Variants in TSPYL5 observed in about 807,000 individuals in gnomAD.
The protein encoded by TSPYL5 is TSPY like 5, also known as testis-specific Y-encoded-like protein 5.
For synonymous variants in TSPYL5, 276 were observed against 236.1 expected, an observed-to-expected ratio of 1.17 and a Z score of -1.55; for missense variants, 556 against 555.5, an observed-to-expected ratio of 1.00 and a Z score of -0.01.
At position 97,276,950 on chromosome 8, in the gene TSPYL5, C is replaced by A. The variant is rs750607434; in HGVS notation, c.895G>T (p.Asp299Tyr). The A allele has an allele frequency of 6.2e-7, 1 of 1,614,166 alleles. No homozygotes were observed. The highest frequency in any genetic ancestry group is 8.5e-7 in the Non-Finnish European group (1 of 1,180,024). The change falls in exon 1 of 1, where the codon GAT becomes TAT. Residue 299 changes from aspartate to tyrosine, a missense_variant. Transcript: ENST00000322128. ...RLGYKIKFYF[D>Y]RNPYFQNKVL... ...TTATTTTGGAAATACGGGTTGCGATCGAAGTAGAACTTGATTTTGTAGCCC... is the reference window on the plus strand; with the variant it reads ...TTATTTTGGAAATACGGGTTGCGATAGAAGTAGAACTTGATTTTGTAGCCC...
Position 97,277,162 on chromosome 8 carries a change from C to G in TSPYL5, c.683G>C (p.Arg228Thr). Residue 228 changes from arginine (R) to threonine (T), a missense_variant, in exon 1 of 1, where the codon AGG becomes ACG. Physicochemically the swap from Arg to Thr is moderately conservative, Grantham distance 71 (BLOSUM62 -1). Coordinates refer to ENST00000322128, the MANE Select transcript of TSPYL5 (RefSeq NM_033512.3). This position sits in a 1 kb window ranked among gnomAD's most constrained non-coding sequence, Gnocchi z 4.5. ...CTGCAGTCGCAACTGCCCAAACTTC[C>G]TGGAGAGCCGAAGGTAGGCCCTGTC... Reference protein sequence around the residue: ...QADRAYLRLSRKFGQLRLQHL... With the variant: ...QADRAYLRLSTKFGQLRLQHL... 1 of 1,611,322 alleles carries G rather than the reference C, an allele frequency of 6.2e-7. No individual in the cohort carries two copies. The highest frequency in any genetic ancestry group is 8.5e-7 in the Non-Finnish European group (1 of 1,180,010).
rs1810512138 is a variant in TSPYL5, at chr8:97,276,245, T to TG, written c.*345dup. 1 of 236,314 alleles carries TG rather than the reference T, an allele frequency of 4.2e-6. No homozygotes were observed. The highest frequency in any genetic ancestry group is 8.2e-6 in the Non-Finnish European group (1 of 122,208). 14.6% of individuals were successfully genotyped at this position (236,314 alleles called of 1,614,324 possible). On this transcript the variant is annotated 3_prime_UTR_variant, in exon 1 of 1. Coordinates refer to ENST00000322128, the MANE Select transcript of TSPYL5 (RefSeq NM_033512.3). The stretch of plus-strand genomic sequence containing the variant: ...GAAGGAGCAGAGCTTGAGGATGCAC[T>TG]GGTCGTCCTGGAGGATGACTCATGA...
In TSPYL5 at chr8:97,277,683, C is replaced by T. The variant is rs1810553385; in HGVS notation, c.162G>A (p.Gln54=). The T allele has an allele frequency of 1.3e-6, 2 of 1,536,658 alleles. No homozygotes were observed. The highest frequency in any genetic ancestry group is 2.9e-5 in the African/African-American group (2 of 69,696). The change falls in exon 1 of 1, where the codon CAG becomes CAA. Residue 54 remains glutamine (Q), a synonymous_variant. Coordinates refer to ENST00000322128, the MANE Select transcript of TSPYL5 (RefSeq NM_033512.3). The surrounding 1 kb of genome is among the most constrained non-coding windows in gnomAD (Gnocchi z 4.5). ...CCAGGCCACCCCACCCCGCGCCAGCCTGCACCTGTGCCGCCTGGGTGTCTT... is the reference window on the plus strand; with the variant it reads ...CCAGGCCACCCCACCCCGCGCCAGCTTGCACCTGTGCCGCCTGGGTGTCTT... ...LGEDTQAAQV[Q]AGAGWGGLEA...
rs1335403138 is a variant in TSPYL5 at position 97,274,779 on chromosome 8, T to C, written c.*1812A>G. 1 of 151,916 alleles carries C rather than the reference T, an allele frequency of 6.6e-6. No homozygotes were observed. Among genetic ancestry groups the C allele is most frequent in the Admixed American group, 6.5e-5 (1 of 15,272 alleles). 9.4% of individuals were successfully genotyped at this position (151,916 alleles called of 1,614,324 possible). Reference sequence around the variant, plus strand: ...GAACAGGTGTAGATACAGTCCTTCTTACCCACCCTCAGGGATAAGAGAGGG... The same window carrying C: ...GAACAGGTGTAGATACAGTCCTTCTCACCCACCCTCAGGGATAAGAGAGGG... On this transcript the variant is annotated 3_prime_UTR_variant, in exon 1 of 1. Transcript: ENST00000322128.
In TSPYL5 at chr8:97,274,645, G is replaced by A. The variant is rs1283093421; in HGVS notation, c.*1946C>T. ...CATACCAGTATCATGCCTACTCGAC[G>A]GTTTTGCTCCAAATCCCCCACCTAG... On this transcript the variant is annotated 3_prime_UTR_variant, in exon 1 of 1. Transcript: ENST00000322128. 2 of 152,024 alleles carry A rather than the reference G, an allele frequency of 1.3e-5. No individual in the cohort carries two copies. Among genetic ancestry groups the A allele is most frequent in the African/African-American group, 2.4e-5 (1 of 41,376 alleles). 9.4% of individuals were successfully genotyped at this position (152,024 alleles called of 1,614,324 possible).
At position 97,274,950 on chromosome 8, in the gene TSPYL5, G is replaced by A. The variant is rs1586069071; in HGVS notation, c.*1641C>T. The A allele has an allele frequency of 1.3e-5, 2 of 152,736 alleles. No individual in the cohort carries two copies. The highest frequency in any genetic ancestry group is 1.3e-4 in the Admixed American group (2 of 15,294). 9.5% of individuals were successfully genotyped at this position (152,736 alleles called of 1,614,324 possible). A position where few individuals can be genotyped will look rare whatever the true frequency, so the allele number is the denominator to read the frequency against. On this transcript the variant is annotated 3_prime_UTR_variant, in exon 1 of 1. Transcript: ENST00000322128. ...CCCACTCCTGGGGCTATTTGAGGTAGAAGCAAAGAGAGCAAAGGACTGCTG... is the reference window on the plus strand; with the variant it reads ...CCCACTCCTGGGGCTATTTGAGGTAAAAGCAAAGAGAGCAAAGGACTGCTG...
chr8:97,276,892 G>C lies in TSPYL5; in HGVS notation c.953C>G (p.Ser318Cys). 6.2e-7 allele frequency: 1 copy of C among 1,614,194 alleles called. No homozygotes were observed. Among genetic ancestry groups the C allele is most frequent in the Non-Finnish European group, 8.5e-7 (1 of 1,180,036 alleles). Residue 318 changes from serine (S) to cysteine (C), a missense_variant, in exon 1 of 1, where the codon TCT becomes TGT. Transcript: ENST00000322128. Reference protein sequence around the residue: ...VLIKEYGCGPSGQVVSRSTPI... With the variant: ...VLIKEYGCGPCGQVVSRSTPI... The stretch of plus-strand genomic sequence containing the variant: ...AGTAGAACGAGACACCACCTGGCCA[G>C]AAGGACCACACCCATATTCCTTGAT...
At position 97,277,108 on chromosome 8, in the gene TSPYL5, T is replaced by C. The variant is rs746567322; in HGVS notation, c.737A>G (p.Gln246Arg). 4 of 1,611,494 alleles carry C rather than the reference T, an allele frequency of 2.5e-6. No homozygotes were observed. The highest frequency in any genetic ancestry group is 4.5e-5 in the East Asian group (2 of 44,884). ...TTGCCCCCAGAAGCCCGGGATATTT[T>C]GGATGAGGTGGTTCCTGCGCTCCAA... is the stretch of plus-strand genomic sequence containing the variant. ...QHLERRNHLI[Q>R]NIPGFWGQAF... The change falls in exon 1 of 1, where the codon CAA (glutamine) becomes CGA (arginine). Residue 246 changes from glutamine (Q) to arginine (R), a missense_variant. By Grantham distance (43) the Gln-to-Arg change is conservative. Coordinates refer to ENST00000322128, the MANE Select transcript of TSPYL5 (RefSeq NM_033512.3). This position sits in a 1 kb window ranked among gnomAD's most constrained non-coding sequence, Gnocchi z 4.5.
chr8:97,274,751 G>A lies in TSPYL5; in HGVS notation c.*1840C>T, dbSNP rs1810485547. The A allele has an allele frequency of 6.6e-6, 1 of 152,184 alleles. No individual in the cohort carries two copies. The highest frequency in any genetic ancestry group is 1.5e-5 in the Non-Finnish European group (1 of 68,072). 9.4% of individuals were successfully genotyped at this position (152,184 alleles called of 1,614,324 possible). ...CCTCCCTAACAAAAGAGAAGGTAGG[G>A]AAGAACAGGTGTAGATACAGTCCTT... On this transcript the variant is annotated 3_prime_UTR_variant, in exon 1 of 1. Transcript: ENST00000322128.
Position 97,273,695 on chromosome 8 carries a change from C to A in TSPYL5, c.*2896G>T, listed in dbSNP as rs1178447827. Reference sequence around the variant, plus strand: ...TCTTCCAAAACCAGAGTTATGAGACCAGTACAAGCTGATAACAATGCTAAT... The same window carrying A: ...TCTTCCAAAACCAGAGTTATGAGACAAGTACAAGCTGATAACAATGCTAAT... On this transcript the variant is annotated 3_prime_UTR_variant, in exon 1 of 1. Coordinates refer to ENST00000322128, the MANE Select transcript of TSPYL5 (RefSeq NM_033512.3). The A allele has an allele frequency of 1.3e-5, 2 of 152,458 alleles. No homozygotes were observed. The highest frequency in any genetic ancestry group is 4.8e-5 in the African/African-American group (2 of 41,394). 9.4% of individuals were successfully genotyped at this position (152,458 alleles called of 1,614,324 possible). A position where few individuals can be genotyped will look rare whatever the true frequency, so the allele number is the denominator to read the frequency against.
In TSPYL5 at chr8:97,277,784, C is replaced by T; in HGVS notation, c.61G>A (p.Ala21Thr). Residue 21 changes from alanine (A) to threonine (T), a missense_variant, in exon 1 of 1, where the codon GCC becomes ACC. Ala to Thr is a moderately conservative substitution (Grantham distance 58). Coordinates refer to ENST00000322128, the MANE Select transcript of TSPYL5 (RefSeq NM_033512.3). This position sits in a 1 kb window ranked among gnomAD's most constrained non-coding sequence, Gnocchi z 4.5. The stretch of plus-strand genomic sequence containing the variant: ...GGAGCAGGGCGGACTCGGGCTTTGG[C>T]GCGGCCTTTGCCCCGGTTTTTGGCG... Reference protein sequence around the residue: ...SRAKNRGKGRAKARVRPAPDD... With the variant: ...SRAKNRGKGRTKARVRPAPDD... The T allele has an allele frequency of 2.0e-6, 3 of 1,502,660 alleles. No individual in the cohort carries two copies. The highest frequency in any genetic ancestry group is 2.7e-5 in the East Asian group (1 of 37,360). The allele number at this position is 1,502,660 out of a possible 1,614,324, so 93.1% of individuals were successfully genotyped here. A position where few individuals can be genotyped will look rare whatever the true frequency, so the allele number is the denominator to read the frequency against.
At position 97,277,764 on chromosome 8, in the gene TSPYL5, AGGGCGGACTC is replaced by A; in HGVS notation, c.71_80del (p.Arg24LeufsTer137). 6.5e-7 allele frequency: 1 copy of A among 1,530,526 alleles called. No homozygotes were observed. The highest frequency in any genetic ancestry group is 8.7e-7 in the Non-Finnish European group (1 of 1,142,960). 94.8% of individuals were successfully genotyped at this position (1,530,526 alleles called of 1,614,324 possible). On this transcript the variant is annotated frameshift_variant, in exon 1 of 1. Coordinates refer to ENST00000322128, the MANE Select transcript of TSPYL5 (RefSeq NM_033512.3). LOFTEE classifies it low-confidence loss of function (END_TRUNC). This position sits in a 1 kb window ranked among gnomAD's most constrained non-coding sequence, Gnocchi z 4.5. ...GGTCGCGCGGGGCGTCGTCCGGAGC[AGGGCGGACTC>A]GGGCTTTGGCGCGGCCTTTGCCCCG... is the stretch of plus-strand genomic sequence containing the variant.
rs1810472390 is a variant in TSPYL5 at position 97,274,067 on chromosome 8, T to C, written c.*2524A>G. ...GGTTGCATTGGCATAGTGTCTTGGA[T>C]TTTCAATAAACAATACAGGTGAAAA... On this transcript the variant is annotated 3_prime_UTR_variant, in exon 1 of 1. Transcript: ENST00000322128. The C allele has an allele frequency of 6.6e-6, 1 of 152,130 alleles. No individual in the cohort carries two copies. Among genetic ancestry groups the C allele is most frequent in the African/African-American group, 2.4e-5 (1 of 41,426 alleles). 9.4% of individuals were successfully genotyped at this position (152,130 alleles called of 1,614,324 possible).
chr8:97,277,087 C>G lies in TSPYL5; in HGVS notation c.758G>C (p.Gly253Ala). The G allele has an allele frequency of 6.2e-7, 1 of 1,612,814 alleles. No individual in the cohort carries two copies. Among genetic ancestry groups the G allele is most frequent in the Non-Finnish European group, 8.5e-7 (1 of 1,180,008 alleles). ...CTGGGGATGGTTCTGAAATGCTTGC[C>G]CCCAGAAGCCCGGGATATTTTGGAT... Reference protein sequence around the residue: ...HLIQNIPGFWGQAFQNHPQLA... With the variant: ...HLIQNIPGFWAQAFQNHPQLA... Residue 253 changes from glycine to alanine, a missense_variant, in exon 1 of 1, where the codon GGG (glycine) becomes GCG (alanine). Transcript: ENST00000322128. The surrounding 1 kb of genome is among the most constrained non-coding windows in gnomAD (Gnocchi z 4.5).
At position 97,273,968 on chromosome 8, in the gene TSPYL5, C is replaced by T. The variant is rs2130733686; in HGVS notation, c.*2623G>A. ...GTTAACATTAAAAGCAAAAAGCAGA[C>T]CTGATGTGATTATGATAGTGCACCC... On this transcript the variant is annotated 3_prime_UTR_variant, in exon 1 of 1. Coordinates refer to ENST00000322128, the MANE Select transcript of TSPYL5 (RefSeq NM_033512.3). 6.6e-6 allele frequency: 1 copy of T among 152,318 alleles called. No homozygotes were observed. Among genetic ancestry groups the T allele is most frequent in the Non-Finnish European group, 1.5e-5 (1 of 68,030 alleles). 9.4% of individuals were successfully genotyped at this position (152,318 alleles called of 1,614,324 possible).
At position 97,274,030 on chromosome 8, in the gene TSPYL5, C is replaced by G. The variant is rs1384138509; in HGVS notation, c.*2561G>C. 6.6e-6 allele frequency: 1 copy of G among 152,118 alleles called. No individual in the cohort carries two copies. The highest frequency in any genetic ancestry group is 2.4e-5 in the African/African-American group (1 of 41,408). 9.4% of individuals were successfully genotyped at this position (152,118 alleles called of 1,614,324 possible). On this transcript the variant is annotated 3_prime_UTR_variant, in exon 1 of 1. Transcript: ENST00000322128. ...CCATCAAAAGAGACTACCAATCTCCCAAAGTAGTCACGGTTGCATTGGCAT... is the reference window on the plus strand; with the variant it reads ...CCATCAAAAGAGACTACCAATCTCCGAAAGTAGTCACGGTTGCATTGGCAT...
In TSPYL5 at chr8:97,277,179, G is replaced by T. The variant is rs1457213816; in HGVS notation, c.666C>A (p.Ala222=). 1.9e-6 allele frequency: 3 copies of T among 1,612,178 alleles called. No individual in the cohort carries two copies. Among genetic ancestry groups the T allele is most frequent in the Non-Finnish European group, 2.5e-6 (3 of 1,180,032 alleles). ...CAAACTTCCTGGAGAGCCGAAGGTAGGCCCTGTCCGCCTGGGCGTTCATGT... is the reference window on the plus strand; with the variant it reads ...CAAACTTCCTGGAGAGCCGAAGGTATGCCCTGTCCGCCTGGGCGTTCATGT... ...LENMNAQADR[A]YLRLSRKFGQ... Residue 222 remains alanine (A), a synonymous_variant, in exon 1 of 1, where the codon GCC becomes GCA. Transcript: ENST00000322128. This position sits in a 1 kb window ranked among gnomAD's most constrained non-coding sequence, Gnocchi z 4.5.
rs991469414 is a variant in TSPYL5 at position 97,276,340 on chromosome 8, G to A, written c.*251C>T. On this transcript the variant is annotated 3_prime_UTR_variant, in exon 1 of 1. Coordinates refer to ENST00000322128, the MANE Select transcript of TSPYL5 (RefSeq NM_033512.3). ...AGGTCCAGGCAATGTAGATAACAGG[G>A]AGCACACATCTAAAGTATGTGTGCT... 2.4e-5 allele frequency: 11 copies of A among 453,596 alleles called. No individual in the cohort carries two copies. Among genetic ancestry groups the A allele is most frequent in the Middle Eastern group, 5.6e-4 (1 of 1,792 alleles). 28.1% of individuals were successfully genotyped at this position (453,596 alleles called of 1,614,324 possible).
Position 97,276,587 on chromosome 8 carries a change from A to T in TSPYL5, c.*4T>A, listed in dbSNP as rs1290402414. On this transcript the variant is annotated 3_prime_UTR_variant, in exon 1 of 1. Transcript: ENST00000322128. ...CAGGAGGTAGCAGGGAGACTTGTGC[A>T]GGATCAGTTGGATTGGCTCACCCCA... 6.2e-7 allele frequency: 1 copy of T among 1,610,646 alleles called. No homozygotes were observed. Among genetic ancestry groups the T allele is most frequent in the Admixed American group, 1.7e-5 (1 of 59,674 alleles).
Sources: gnomAD v4.1 joint callset for allele counts on GRCh38, gnomAD v4.1.1 for gene constraint, Gnocchi (gnomAD v3.1) non-coding constraint, MANE v1.5 for transcripts, NCBI Gene and HGNC (gene_info 2026-07-23, HGNC 2026-07-21) for gene names.